DLGAP2: variants seen among roughly 807,000 people sequenced by gnomAD.
DLGAP2 encodes the protein disks large-associated protein 2.
A neutral mutation model predicts 100.3 loss-of-function variants in DLGAP2; 26 were observed. The observed-to-expected ratio is 0.26, with a 90% CI of 0.19 to 0.36. The LOEUF (loss-of-function observed/expected upper bound fraction) is 0.36. Among genes scored for constraint, DLGAP2 ranks in the 10% least tolerant of loss-of-function variants. The pLI is 1.00. For missense variants in DLGAP2, 1,858 were observed against 1,453.2 expected (o/e 1.28, Z -4.53); for synonymous variants, 886 against 630.1 (o/e 1.41, Z -6.08).
At chr8:1,657,130 A>G (rs1194566833) in intron 8 of DLGAP2, among the ~76,000 whole-genome samples, 1 of 152,228 alleles carries the variant, frequency 6.6e-6, no homozygotes, top group African/African-American at 2.4e-5. Flanking sequence ...TCAGGTCTTC[A>G]GAAACTTTCA....
At chr8:761,472 G>A (rs968105602) in intron 1 of DLGAP2, among the ~76,000 whole-genome samples, 1 of 152,220 alleles carries the variant, frequency 6.6e-6, no homozygotes, top group Non-Finnish European at 1.5e-5. Context: ...CCTTCTGTAA[G>A]ATTGTAGTTT....
chr8:1,096,966 G>A (rs1237422618), intron 2 of DLGAP2, among the ~76,000 whole-genome samples: 2 of 144,632 alleles, frequency 1.4e-5, no homozygotes, highest in African/African-American at 5.2e-5. Flanking sequence ...CTGTGGCATA[G>A]AGAGGACCCC....
intron 4 of DLGAP2, among the ~76,000 whole-genome samples, chr8:1,528,608 C>G (rs571387913): frequency 3.7e-4 from 57 of 152,366 alleles, no homozygotes; most frequent in African/African-American, 1.3e-3. Context: ...CTGGCTCTGT[C>G]TCCTGTCACC....
At chr8:1,682,703 G>A (rs962528185) in intron 12 of DLGAP2, among the ~76,000 whole-genome samples, 9 of 151,286 alleles carry the variant, frequency 5.9e-5, no homozygotes, top group South Asian at 2.1e-4. Flanking sequence ...TGAACTCCTG[G>A]CCTCAAGTGA....
At chr8:1,467,439 C>T (rs1798658227) in intron 3 of DLGAP2, among the ~76,000 whole-genome samples, 1 of 150,980 alleles carries the variant, frequency 6.6e-6, no homozygotes, top group South Asian at 2.1e-4. Context: ...AGACCCAGGA[C>T]CCCCACTCAC....
Position 760,188 on chromosome 8 carries a change from A to G in DLGAP2, c.18+22363A>G, listed in dbSNP as rs562361725. On this transcript the variant is annotated intron_variant, in intron 1 of 14. Transcript: ENST00000637795. ...GCATTTCCATCTTTATTCCTCTGAA[A>G]GGCATTCCAGAGGCCCAAGGGATGA... 3.9e-5 allele frequency among the ~76,000 whole-genome samples: 6 copies of G among 152,156 alleles called. No homozygotes were observed. In the East Asian group the frequency reaches 1.2e-3, roughly 29 times the overall value.
At chr8:871,690 T>A (rs552104918) in intron 1 of DLGAP2, among the ~76,000 whole-genome samples, 59 of 152,156 alleles carry the variant, frequency 3.9e-4, no homozygotes, top group African/African-American at 1.3e-3. Flanking sequence ...ATAGTCCATA[T>A]CTTCCAAAAT....
intron 2 of DLGAP2, among the ~76,000 whole-genome samples, chr8:1,218,261 T>C (rs1368352228): frequency 1.3e-5 from 2 of 152,220 alleles, no homozygotes; most frequent in Non-Finnish European, 2.9e-5. Flanking sequence ...AGTTAATTAT[T>C]GTATATGGTA....
chr8:1,099,319 G>A (rs1454538813), intron 2 of DLGAP2, among the ~76,000 whole-genome samples: 2 of 152,198 alleles, frequency 1.3e-5, no homozygotes, highest in African/African-American at 2.4e-5. Flanking sequence ...GCAGCGTCCT[G>A]TGTGTTGCGT....
At chr8:1,493,516 C>T (rs1050735788) in intron 3 of DLGAP2, among the ~76,000 whole-genome samples, 3 of 152,224 alleles carry the variant, frequency 2.0e-5, no homozygotes, top group Non-Finnish European at 4.4e-5. Flanking sequence ...GGACGGACCC[C>T]AGGGAAGACC....
In DLGAP2 at chr8:1,332,681, C is replaced by T. The variant is rs370111408; in HGVS notation, c.106+73798C>T. Among the ~76,000 whole-genome samples the T allele has an allele frequency of 6.7e-4, 102 of 152,290 alleles. 1 individual carries two copies. In the East Asian group the frequency reaches 0.019, roughly 28 times the overall value. On this transcript the variant is annotated intron_variant, in intron 3 of 14. Transcript: ENST00000637795. Reference sequence around the variant, plus strand: ...GGCCTCCACAGGCTCAACCTGCAGCCGCGAGGAGCACTCAGAATTCACGTC... The same window carrying T: ...GGCCTCCACAGGCTCAACCTGCAGCTGCGAGGAGCACTCAGAATTCACGTC...
At chr8:1,581,773 A>G (rs1018645980) in intron 6 of DLGAP2, among the ~76,000 whole-genome samples, 1 of 151,672 alleles carries the variant, frequency 6.6e-6, no homozygotes, top group African/African-American at 2.4e-5. Context: ...TCAAACTACC[A>G]CAAGTGAACG....
intron 2 of DLGAP2, among the ~76,000 whole-genome samples, chr8:971,845 C>T (rs961582067): frequency 5.9e-5 from 9 of 152,114 alleles, no homozygotes; most frequent in African/African-American, 1.9e-4. Context: ...CATTGTCTTC[C>T]TTCCTTACAC....
intron 2 of DLGAP2, among the ~76,000 whole-genome samples, chr8:1,111,426 C>T (rs541282789): frequency 6.6e-5 from 10 of 151,856 alleles, no homozygotes; most frequent in East Asian, 3.9e-4. Context: ...TTTGGTTCCG[C>T]GGTACATGTG....
chr8:1,368,767 C>T (rs776138380), intron 3 of DLGAP2: 10 of 152,170 alleles, frequency 6.6e-5, no homozygotes, highest in Non-Finnish European at 1.2e-4. Context: ...GAAATACAGC[C>T]GCAGCAGCCC....
chr8:796,282 G>A (rs984968386), intron 1 of DLGAP2, among the ~76,000 whole-genome samples: 9 of 152,130 alleles, frequency 5.9e-5, no homozygotes, highest in Admixed American at 5.2e-4. Context: ...CCGGGATCCC[G>A]CTTGGACTTT....
intron 3 of DLGAP2, among the ~76,000 whole-genome samples, chr8:1,268,493 G>C (rs149401395): frequency 5.0e-4 from 76 of 152,350 alleles, no homozygotes; most frequent in African/African-American, 1.4e-3. Flanking sequence ...TTCCGCGTTA[G>C]AGTGTCGCCA....
chr8:1,119,862 T>TG (rs1201685905), intron 2 of DLGAP2, among the ~76,000 whole-genome samples: 1 of 152,148 alleles, frequency 6.6e-6, no homozygotes, highest in South Asian at 2.1e-4. Context: ...ATACAGTGAA[T>TG]GGGGTCCAGC....
At chr8:1,674,921 G>A (rs1246084639) in intron 10 of DLGAP2, among the ~76,000 whole-genome samples, 3 of 152,176 alleles carry the variant, frequency 2.0e-5, no homozygotes, top group South Asian at 2.1e-4. Context: ...AATCCTTTGC[G>A]TAAAATAACA....
Sources: allele counts gnomAD v4.1 joint callset (sites outside exome capture counted in the v4.1 genomes callset), GRCh38; gene constraint gnomAD v4.1.1; transcripts MANE v1.5; gene names NCBI Gene and HGNC (gene_info 2026-07-23, HGNC 2026-07-21).